The following FAM3C variants were observed in gnomAD, a reference collection of about 807,000 sequenced individuals.
FAM3C encodes protein FAM3C.
FAM3C carries 15 observed loss-of-function variants against 32.5 expected under a neutral mutation model. The ratio of observed to expected loss-of-function variants is 0.46; its 90% CI spans 0.31 to 0.71. The LOEUF (loss-of-function observed/expected upper bound fraction) is 0.71. Ranked by LOEUF, FAM3C falls within the 30% of genes least tolerant of loss-of-function variation. The pLI is 0.05. For synonymous variants in FAM3C, 75 were observed against 86.1 expected, an observed-to-expected ratio of 0.87 and a Z score of 0.72; for missense variants, 175 against 274.4, an observed-to-expected ratio of 0.64 and a Z score of 2.56.
chr7:121,378,101 T>C (rs1794275438), intron 3 of FAM3C, among the ~76,000 whole-genome samples: 2 of 152,232 alleles, frequency 1.3e-5, no homozygotes, highest in African/African-American at 4.8e-5. Context: ...TATTTGAGAT[T>C]CAATAAGATA....
Position 121,371,369 on chromosome 7 carries a change from T to C in FAM3C, c.203A>G (p.His68Arg), listed in dbSNP as rs1321160159. 6.2e-7 allele frequency: 1 copy of C among 1,613,984 alleles called. No individual in the cohort carries two copies. Among genetic ancestry groups the C allele is most frequent in the Non-Finnish European group, 8.5e-7 (1 of 1,179,880 alleles). The stretch of plus-strand genomic sequence containing the variant: ...TCCACTTGCCATTTTAAAAGCAAAA[T>C]GCTTCTCAGGGCAAGCTTTTGAGAT... The part of the protein sequence containing the change: ...CGISKACPEK[H>R]FAFKMASGAA... The change falls in exon 5 of 10, where the codon CAT becomes CGT. Residue 68 changes from histidine (H) to arginine (R), a missense_variant. By Grantham distance (29) the His-to-Arg change is conservative (BLOSUM62 0). Transcript: ENST00000359943.
At position 121,349,430 on chromosome 7, in the gene FAM3C, G is replaced by A. The variant is rs1793651192; in HGVS notation, c.*1031C>T. ...TAGAATTGGGTATAAAGTCATTTGG[G>A]GTCAAACACAATTATTTTTTAAATG... On this transcript the variant is annotated 3_prime_UTR_variant, in exon 10 of 10. Transcript: ENST00000359943. 1 of 151,962 alleles carries A rather than the reference G, an allele frequency of 6.6e-6. No individual in the cohort carries two copies. The highest frequency in any genetic ancestry group is 2.4e-5 in the African/African-American group (1 of 41,346). The allele number at this position is 151,962 out of a possible 1,614,324, so 9.4% of individuals were successfully genotyped here. A position where few individuals can be genotyped will look rare whatever the true frequency, so the allele number is the denominator to read the frequency against.
intron 7 of FAM3C, among the ~76,000 whole-genome samples, 186 bp from the exon 8 acceptor site, chr7:121,360,313 C>T (rs1274203291): frequency 1.3e-5 from 2 of 152,104 alleles, no homozygotes; most frequent in Admixed American, 1.3e-4. Context: ...TTAACATAAT[C>T]CCACTATCAA....
intron 1 of FAM3C, among the ~76,000 whole-genome samples, chr7:121,388,948 C>T (rs1794522341): frequency 6.6e-6 from 1 of 152,112 alleles, no homozygotes; most frequent in Admixed American, 6.6e-5. Context: ...TCATTTGGCG[C>T]TCCTGACAGT....
chr7:121,374,727 T>C (rs1427818906), intron 3 of FAM3C, among the ~76,000 whole-genome samples: 1 of 152,346 alleles, frequency 6.6e-6, no homozygotes, highest in African/African-American at 2.4e-5. Context: ...CACTTCAGTT[T>C]TGACATCAAA....
At chr7:121,370,948 GTTAAT>G (rs1273149433) in intron 5 of FAM3C, among the ~76,000 whole-genome samples, 3 of 152,158 alleles carry the variant, frequency 2.0e-5, no homozygotes, top group Non-Finnish European at 2.9e-5. Context: ...GAACTTTTTA[GTTAAT>G]TTAAGTGAAT....
At chr7:121,375,009 C>T (rs1312251183) in intron 3 of FAM3C, among the ~76,000 whole-genome samples, 1 of 152,140 alleles carries the variant, frequency 6.6e-6, no homozygotes, top group African/African-American at 2.4e-5. Context: ...GATTGCAGCA[C>T]CCAGTGCTAG....
intron 4 of FAM3C, 136 bp from the exon 5 acceptor site, chr7:121,371,559 T>C (rs1794147295): frequency 2.0e-6 from 2 of 988,066 alleles, no homozygotes; most frequent in African/African-American, 1.6e-5. Context: ...ACAAGCTAAT[T>C]TGTTCCCCTG....
In FAM3C at chr7:121,384,233, A is replaced by T. The variant is rs1232832786; in HGVS notation, c.-41-1223T>A. Among the ~76,000 whole-genome samples, 3 of 152,192 alleles carry T rather than the reference A, an allele frequency of 2.0e-5. No individual in the cohort carries two copies. In the East Asian group the frequency reaches 5.8e-4, roughly 29 times the overall value. On this transcript the variant is annotated intron_variant, in intron 1 of 9. Coordinates refer to ENST00000359943, the MANE Select transcript of FAM3C (RefSeq NM_014888.3). ...ATTGATTTCCTTTGTTAATTATCTG[A>T]ACAGCTTCCACGTAATAGAAAAAGT...
chr7:121,352,668 T>C (rs572937533), intron 8 of FAM3C, among the ~76,000 whole-genome samples: 1 of 152,370 alleles, frequency 6.6e-6, no homozygotes, highest in Admixed American at 6.5e-5. Context: ...ACAGTTCCTC[T>C]GCAGCTTCGT....
At position 121,351,004 on chromosome 7, in the gene FAM3C, A is replaced by T. The variant is rs1462889105; in HGVS notation, c.594+139T>A. On this transcript the variant is annotated intron_variant, in intron 9 of 9. Transcript: ENST00000359943. ...GTACGATAGTTATTTCAAATAACTG[A>T]TTACCAAGAATTTATGACAAATATA... The T allele has an allele frequency of 1.1e-5, 9 of 823,776 alleles. No individual in the cohort carries two copies. The South Asian group carries it at 1.7e-4, about 16-fold the overall frequency. 51.0% of individuals were successfully genotyped at this position (823,776 alleles called of 1,614,324 possible). A position where few individuals can be genotyped will look rare whatever the true frequency, so the allele number is the denominator to read the frequency against.
chr7:121,358,999 T>C (rs1053791440), intron 8 of FAM3C, among the ~76,000 whole-genome samples: 1 of 151,690 alleles, frequency 6.6e-6, no homozygotes, highest in Non-Finnish European at 1.5e-5. Flanking sequence ...AAAAACCACT[T>C]GTGAAAAAAA....
chr7:121,389,231 GA>G (rs1794529568), intron 1 of FAM3C, among the ~76,000 whole-genome samples: 1 of 152,102 alleles, frequency 6.6e-6, no homozygotes, highest in African/African-American at 2.4e-5. Flanking sequence ...TCAATGTTAA[GA>G]ATTTCATAGT....
chr7:121,387,649 T>C (rs1179748176), intron 1 of FAM3C, among the ~76,000 whole-genome samples: 5 of 152,144 alleles, frequency 3.3e-5, no homozygotes, highest in African/African-American at 1.2e-4. Flanking sequence ...GCTGTTATGT[T>C]TCCAAACCAA....
chr7:121,368,900 G>C (rs1941051747), intron 5 of FAM3C, among the ~76,000 whole-genome samples: 1 of 150,890 alleles, frequency 6.6e-6, no homozygotes, highest in Admixed American at 6.6e-5. Context: ...ACTCTCGCCA[G>C]TACTCATCAC....
intron 8 of FAM3C, among the ~76,000 whole-genome samples, chr7:121,352,550 G>A (rs559740287): frequency 1.0e-3 from 159 of 152,324 alleles, no homozygotes; most frequent in Non-Finnish European, 1.7e-3. Flanking sequence ...TTATAGCCAA[G>A]TGAACTAAAA....
intron 5 of FAM3C, among the ~76,000 whole-genome samples, chr7:121,366,738 T>C (rs1794030458): frequency 2.0e-5 from 3 of 152,182 alleles, no homozygotes; most frequent in African/African-American, 7.2e-5. Context: ...AGTACTAGCT[T>C]GGAGCATATA....
Position 121,360,043 on chromosome 7 carries a change from T to C in FAM3C, c.467A>G (p.Lys156Arg), listed in dbSNP as rs762733048. 1.5e-5 allele frequency: 23 copies of C among 1,492,582 alleles called. No homozygotes were observed. In the East Asian group the frequency reaches 5.2e-4, roughly 34 times the overall value. 92.5% of individuals were successfully genotyped at this position (1,492,582 alleles called of 1,614,324 possible). A position where few individuals can be genotyped will look rare whatever the true frequency, so the allele number is the denominator to read the frequency against. The part of the protein sequence containing the change: ...LMGTYDDGAT[K>R]LNDEARRLIA... ...AAAAAGTTCTGTAAAGTTTACATACTTGGTTGCTCCATCATCGTATGTTCC... is the reference window on the plus strand; with the variant it reads ...AAAAAGTTCTGTAAAGTTTACATACCTGGTTGCTCCATCATCGTATGTTCC... The change falls in exon 8 of 10, where the codon AAA (lysine) becomes AGA (arginine). Residue 156 changes from lysine (K) to arginine (R), a missense_variant and splice_region_variant. Lys to Arg is a conservative substitution (Grantham distance 26). Transcript: ENST00000359943.
At chr7:121,372,204 T>C (rs1241353501) in intron 3 of FAM3C, 65 bp from the exon 4 acceptor site, 3 of 1,045,986 alleles carry the variant, frequency 2.9e-6, no homozygotes, top group Non-Finnish European at 4.4e-6. Context: ...ACTTTTAAAA[T>C]ATATTTAGGT....
Sources: allele counts gnomAD v4.1 joint callset (sites outside exome capture counted in the v4.1 genomes callset), GRCh38; gene constraint gnomAD v4.1.1; transcripts MANE v1.5; gene names NCBI Gene and HGNC (gene_info 2026-07-23, HGNC 2026-07-21).